NARF: variants seen among roughly 807,000 people sequenced by gnomAD.
NARF encodes nuclear prelamin A recognition factor.
NARF carries 41 observed loss-of-function variants against 48.0 expected under a neutral mutation model. The observed-to-expected ratio is 0.85, with a 90% confidence interval of 0.66 to 1.11. NARF has a LOEUF of 1.11. Among genes scored for constraint, NARF ranks in the 50% least tolerant of loss-of-function variants. The pLI, the probability that NARF is intolerant of heterozygous loss-of-function variation, is 0.00. For missense variants in NARF, 613 were observed against 590.2 expected (o/e 1.04, Z -0.40); for synonymous variants, 215 against 225.5 (o/e 0.95, Z 0.42).
At position 82,478,924 on chromosome 17, in the gene NARF, C is replaced by G; in HGVS notation, c.639+6C>G. ...ATTATTTCGCCAGACAGCAGGTAAGCTGACCTCTCTGGAGGGCAGGAAGGG... is the reference window on the plus strand; with the variant it reads ...ATTATTTCGCCAGACAGCAGGTAAGGTGACCTCTCTGGAGGGCAGGAAGGG... On this transcript the variant is annotated splice_donor_region_variant and intron_variant, in intron 6 of 10. Coordinates refer to ENST00000309794, the MANE Select transcript of NARF (RefSeq NM_012336.4). 6.2e-7 allele frequency: 1 copy of G among 1,611,712 alleles called. No homozygotes were observed. The highest frequency in any genetic ancestry group is 8.5e-7 in the Non-Finnish European group (1 of 1,178,468).
chr17:82,481,003 T>A, intron 6 of NARF, 79 bp from the exon 7 acceptor site: 8 of 1,485,130 alleles, frequency 5.4e-6, no homozygotes, highest in Non-Finnish European at 6.4e-6. Context: ...CGGTCTCCCA[T>A]CCCTCTTGTT....
intron 10 of NARF, 131 bp from the exon 11 acceptor site, chr17:82,487,779 CCTCCCG>C: frequency 3.5e-6 from 2 of 567,878 alleles, no homozygotes; most frequent in Non-Finnish European, 6.2e-6. Context: ...AACACCCGCC[CCTCCCG>C]CCCAATCTCT....
At chr17:82,461,899 A>G (rs1414921898) in intron 2 of NARF, among the ~76,000 whole-genome samples, 1 of 152,214 alleles carries the variant, frequency 6.6e-6, no homozygotes, top group Non-Finnish European at 1.5e-5. Flanking sequence ...AGGGAGCAAC[A>G]GGGCCTGAGA....
chr17:82,479,447 G>T (rs1315680290), intron 6 of NARF, among the ~76,000 whole-genome samples: 2 of 152,176 alleles, frequency 1.3e-5, no homozygotes, highest in Non-Finnish European at 2.9e-5. Flanking sequence ...GTGAGTCCCG[G>T]CCTGAGGCTC....
chr17:82,478,497 T>A lies in NARF; in HGVS notation c.521-303T>A, dbSNP rs1036254494. 3 of 476,716 alleles carry A rather than the reference T, an allele frequency of 6.3e-6. No homozygotes were observed. In the Admixed American group the frequency reaches 7.0e-5, roughly 11 times the overall value. 29.5% of individuals were successfully genotyped at this position (476,716 alleles called of 1,614,324 possible). ...AGCCTGGGCCGCTGCTCCTGCTGCC[T>A]TTCAGTGCTTGTTCCCCTTCACCTT... On this transcript the variant is annotated intron_variant, in intron 5 of 10. Transcript: ENST00000309794.
intron 5 of NARF, among the ~76,000 whole-genome samples, chr17:82,477,402 G>A (rs2043857681): frequency 6.6e-6 from 1 of 151,816 alleles, no homozygotes; most frequent in Non-Finnish European, 1.5e-5. Flanking sequence ...TGCTTGGGAG[G>A]CTGAGGCAGA....
chr17:82,473,805 G>A (rs1260853941), intron 5 of NARF, among the ~76,000 whole-genome samples: 4 of 152,100 alleles, frequency 2.6e-5, no homozygotes, highest in African/African-American at 9.7e-5. Context: ...TGATCTGCCC[G>A]CCTTGGCCTC....
At position 82,458,837 on chromosome 17, in the gene NARF, G is replaced by T; in HGVS notation, c.27+7G>T. The T allele has an allele frequency of 7.1e-7, 1 of 1,405,098 alleles. No individual in the cohort carries two copies. Among genetic ancestry groups the T allele is most frequent in the Non-Finnish European group, 9.2e-7 (1 of 1,081,084 alleles). 87.0% of individuals were successfully genotyped at this position (1,405,098 alleles called of 1,614,324 possible). On this transcript the variant is annotated splice_region_variant and intron_variant, in intron 1 of 10. Coordinates refer to ENST00000309794, the MANE Select transcript of NARF (RefSeq NM_012336.4). Reference sequence around the variant, plus strand: ...TGAGCACTGCACGCGCAAGGTGAGCGCCGCGGGCCGGGGAGGCGCGCGCCT... The same window carrying T: ...TGAGCACTGCACGCGCAAGGTGAGCTCCGCGGGCCGGGGAGGCGCGCGCCT...
chr17:82,473,822 T>C (rs921918374), intron 5 of NARF, among the ~76,000 whole-genome samples: 2 of 151,570 alleles, frequency 1.3e-5, no homozygotes, highest in African/African-American at 4.9e-5. Context: ...CCTCCCAAAG[T>C]GCTGGGATTA....
chr17:82,471,454 C>CAAA (rs545400643), intron 4 of NARF, among the ~76,000 whole-genome samples: 1 of 99,584 alleles, frequency 1.0e-5, no homozygotes, highest in Non-Finnish European at 2.2e-5. Flanking sequence ...GACACTGTCT[C>CAAA]AAAAAAAAAA....
chr17:82,468,936 G>A, intron 4 of NARF, 40 bp downstream of exon 4: 5 of 1,605,052 alleles, frequency 3.1e-6, no homozygotes, highest in Non-Finnish European at 4.3e-6. Context: ...TATAACTTGA[G>A]TTTATAAGCG....
intron 7 of NARF, among the ~76,000 whole-genome samples, 172 bp downstream of exon 7, chr17:82,481,383 G>GA (rs2043961570): frequency 6.6e-6 from 1 of 152,150 alleles, no homozygotes; most frequent in South Asian, 2.1e-4. Context: ...CAGGTGAAGA[G>GA]AAGGGTCATG....
chr17:82,468,677 CGTT>C (rs1379985434), intron 3 of NARF, 84 bp from the exon 4 acceptor site: 3 of 1,305,226 alleles, frequency 2.3e-6, no homozygotes, highest in Non-Finnish European at 3.2e-6. Flanking sequence ...CATCTATTAA[CGTT>C]GTTCTGAATT....
In NARF at chr17:82,481,087, G is replaced by T; in HGVS notation, c.645G>T (p.Leu215=). 6.2e-7 allele frequency: 1 copy of T among 1,614,100 alleles called. No individual in the cohort carries two copies. Among genetic ancestry groups the T allele is most frequent in the Non-Finnish European group, 8.5e-7 (1 of 1,180,022 alleles). ...VKDYFARQQN[L]SPEKIFHVIV... ...TGGGTGCCCCTCTCCCACAGAACCT[G>T]TCTCCAGAGAAGATTTTCCACGTCA... Residue 215 remains leucine, a synonymous_variant, in exon 7 of 11, where the codon CTG becomes CTT. Transcript: ENST00000309794.
At chr17:82,478,761 A>G in intron 5 of NARF, 39 bp from the exon 6 acceptor site, 1 of 1,571,818 alleles carries the variant, frequency 6.4e-7, no homozygotes. Context: ...GACCAGAGGA[A>G]GCAGTAAGGA....
chr17:82,465,538 C>A (rs1020402125), intron 3 of NARF, among the ~76,000 whole-genome samples: 1 of 152,082 alleles, frequency 6.6e-6, no homozygotes, highest in African/African-American at 2.4e-5. Context: ...CCATTCACCC[C>A]CATGGCTTCT....
intron 10 of NARF, among the ~76,000 whole-genome samples, chr17:82,486,772 G>C (rs2143970337): frequency 6.6e-6 from 1 of 152,326 alleles, no homozygotes; most frequent in African/African-American, 2.4e-5. Context: ...CAGCTGGGGT[G>C]CCACCCTGGA....
chr17:82,459,286 A>G (rs780029471), intron 1 of NARF: 20 of 633,412 alleles, frequency 3.2e-5, no homozygotes, highest in Admixed American at 6.3e-5. Flanking sequence ...CCATGGCAAC[A>G]ACCGCGCAGC....
At chr17:82,473,965 C>T (rs2043775495) in intron 5 of NARF, among the ~76,000 whole-genome samples, 1 of 152,028 alleles carries the variant, frequency 6.6e-6, no homozygotes, top group African/African-American at 2.4e-5. Flanking sequence ...GGGAGGATTG[C>T]TTTAGCCCAG....
Sources: gnomAD v4.1 joint callset for allele counts (sites outside exome capture counted in the v4.1 genomes callset) on GRCh38, gnomAD v4.1.1 for gene constraint, MANE v1.5 for transcripts, NCBI Gene and HGNC (gene_info 2026-07-23, HGNC 2026-07-21) for gene names.